The following PDE3A variants were observed in gnomAD, a reference collection of about 807,000 sequenced individuals.
PDE3A encodes phosphodiesterase 3A.
A neutral mutation model predicts 98.3 loss-of-function variants in PDE3A; 43 were observed. The observed-to-expected ratio is 0.44, with a 90% CI of 0.34 to 0.56. PDE3A has a LOEUF of 0.56. Ranked by LOEUF, PDE3A falls within the 20% of genes least tolerant of loss-of-function variation. The pLI, the probability that PDE3A is intolerant of heterozygous loss-of-function variation, is 0.01. For synonymous variants in PDE3A, 663 were observed against 567.9 expected (o/e 1.17, Z -2.38); for missense variants, 1,427 against 1,440.7 (o/e 0.99, Z 0.15).
chr12:20,442,438 G>A (rs1350932945), intron 1 of PDE3A, among the ~76,000 whole-genome samples: 3 of 152,126 alleles, frequency 2.0e-5, no homozygotes, highest in African/African-American at 2.4e-5. Context: ...AATCACATAG[G>A]AGAGGGAGAG....
intron 1 of PDE3A, among the ~76,000 whole-genome samples, chr12:20,446,667 A>G (rs894187021): frequency 1.3e-5 from 2 of 152,196 alleles, no homozygotes; most frequent in Non-Finnish European, 2.9e-5. Flanking sequence ...ATTCCAGTTA[A>G]CAATAGGTAA....
At chr12:20,573,522 C>T (rs1037120068) in intron 2 of PDE3A, among the ~76,000 whole-genome samples, 1 of 152,018 alleles carries the variant, frequency 6.6e-6, no homozygotes, top group African/African-American at 2.4e-5. Flanking sequence ...TGTTCAAATG[C>T]AAGACTAAGA....
chr12:20,370,796 T>C (rs1943459142), intron 1 of PDE3A, among the ~76,000 whole-genome samples: 1 of 152,238 alleles, frequency 6.6e-6, no homozygotes, highest in Non-Finnish European at 1.5e-5. Flanking sequence ...TTTCTGGTTT[T>C]GCAGTAAGTT....
chr12:20,472,330 C>T (rs768426776), intron 1 of PDE3A, among the ~76,000 whole-genome samples: 7 of 152,110 alleles, frequency 4.6e-5, no homozygotes, highest in South Asian at 2.1e-4. Flanking sequence ...AAAATCTCTA[C>T]GGTCTGATAG....
chr12:20,526,460 A>T (rs928389380), intron 1 of PDE3A, among the ~76,000 whole-genome samples: 107 of 152,278 alleles, frequency 7.0e-4, no homozygotes, highest in African/African-American at 2.2e-3. Flanking sequence ...AAATTTTTTT[A>T]AAAAAGTGTT....
intron 1 of PDE3A, among the ~76,000 whole-genome samples, chr12:20,446,408 A>G (rs1336548059): frequency 2.0e-5 from 3 of 152,140 alleles, no homozygotes; most frequent in Non-Finnish European, 4.4e-5. Flanking sequence ...GAGCTTCATT[A>G]TGTGTTAGAT....
Position 20,681,148 on chromosome 12 carries a change from C to T in PDE3A, c.*877C>T, listed in dbSNP as rs1158795093. The stretch of plus-strand genomic sequence containing the variant: ...TTTGGTATTACATTACTGCTATGCA[C>T]CACTTGAAGGAGCTCTATCACCAGC... On this transcript the variant is annotated 3_prime_UTR_variant, in exon 16 of 16. Transcript: ENST00000359062. 2.0e-5 allele frequency: 3 copies of T among 152,104 alleles called. No individual in the cohort carries two copies. Among genetic ancestry groups the T allele is most frequent in the African/African-American group, 7.2e-5 (3 of 41,406 alleles). 9.4% of individuals were successfully genotyped at this position (152,104 alleles called of 1,614,324 possible).
intron 15 of PDE3A, among the ~76,000 whole-genome samples, chr12:20,673,210 G>T (rs1434336607): frequency 1.3e-5 from 2 of 152,136 alleles, no homozygotes; most frequent in Non-Finnish European, 1.5e-5. Context: ...ACAGGTACTG[G>T]AAAGGATGTG....
chr12:20,400,814 T>G (rs1047871431), intron 1 of PDE3A, among the ~76,000 whole-genome samples: 3 of 152,236 alleles, frequency 2.0e-5, no homozygotes, highest in African/African-American at 7.2e-5. Flanking sequence ...TTTAGAGAGA[T>G]CATGAATCCT....
chr12:20,591,886 C>T (rs1256522246), intron 2 of PDE3A, among the ~76,000 whole-genome samples: 1 of 152,116 alleles, frequency 6.6e-6, no homozygotes, highest in African/African-American at 2.4e-5. Flanking sequence ...GAAAGTCTAC[C>T]TGGGCAAACA....
intron 1 of PDE3A, among the ~76,000 whole-genome samples, chr12:20,537,939 A>G (rs1267571088): frequency 1.3e-5 from 2 of 152,006 alleles, no homozygotes; most frequent in East Asian, 3.9e-4. Flanking sequence ...TCCACAAGTT[A>G]TTTCTACCAT....
intron 1 of PDE3A, among the ~76,000 whole-genome samples, chr12:20,518,498 G>T (rs1946362040): frequency 6.6e-6 from 1 of 151,870 alleles, no homozygotes; most frequent in South Asian, 2.1e-4. Flanking sequence ...AATTCAAAAA[G>T]AAAGCAAAAG....
At chr12:20,583,381 C>T (rs1260114439) in intron 2 of PDE3A, among the ~76,000 whole-genome samples, 1 of 152,168 alleles carries the variant, frequency 6.6e-6, no homozygotes, top group African/African-American at 2.4e-5. Context: ...CCAGTGATTT[C>T]TATACTGACC....
intron 5 of PDE3A, among the ~76,000 whole-genome samples, chr12:20,627,902 A>C (rs1220442081): frequency 6.6e-6 from 1 of 152,208 alleles, no homozygotes; most frequent in African/African-American, 2.4e-5. Flanking sequence ...TAACGGCTAC[A>C]GTGCCTTTCT....
At chr12:20,506,858 A>C (rs1400289870) in intron 1 of PDE3A, among the ~76,000 whole-genome samples, 1 of 152,052 alleles carries the variant, frequency 6.6e-6, no homozygotes, top group Non-Finnish European at 1.5e-5. Flanking sequence ...AATGTTTCAT[A>C]TATGTACAAA....
At chr12:20,386,098 TAAATATATATA>T in intron 1 of PDE3A, among the ~76,000 whole-genome samples, 1 of 46,398 alleles carries the variant, frequency 2.2e-5, no homozygotes, top group African/African-American at 7.9e-5. Context: ...TAAATATATA[TAAATATATATA>T]TAAATATATA....
rs1944850390 is a variant in PDE3A at position 20,648,958 on chromosome 12, C to T, written c.2769+67C>T. ...TTTTTTTTTTTGAGACAGAGTCTTG[C>T]TCTGTCGCCCAGACTGGAGTGCAGT... is the stretch of plus-strand genomic sequence containing the variant. On this transcript the variant is annotated intron_variant, in intron 13 of 15. Transcript: ENST00000359062. 1.3e-5 allele frequency: 13 copies of T among 964,632 alleles called. No homozygotes were observed. In the South Asian group the frequency reaches 1.5e-4, roughly 11 times the overall value. The allele number at this position is 964,632 out of a possible 1,614,324, so 59.8% of individuals were successfully genotyped here. A position where few individuals can be genotyped will look rare whatever the true frequency, so the allele number is the denominator to read the frequency against.
At chr12:20,677,454 T>C (rs1040950065) in intron 15 of PDE3A, among the ~76,000 whole-genome samples, 2 of 89,272 alleles carry the variant, frequency 2.2e-5, no homozygotes, top group Non-Finnish European at 5.3e-5. Flanking sequence ...CTTGTTCTAA[T>C]TTTTTTTTCT....
At chr12:20,677,354 A>G (rs1218255624) in intron 15 of PDE3A, among the ~76,000 whole-genome samples, 3 of 151,986 alleles carry the variant, frequency 2.0e-5, no homozygotes, top group South Asian at 4.1e-4. Context: ...CTGGAGGATT[A>G]TTTTGTTCAT....
Sources: allele counts gnomAD v4.1 joint callset (sites outside exome capture counted in the v4.1 genomes callset), GRCh38; gene constraint gnomAD v4.1.1; transcripts MANE v1.5; gene names NCBI Gene and HGNC (gene_info 2026-07-23, HGNC 2026-07-21).